Variants in CAPN14 observed in about 807,000 individuals in gnomAD.
The protein encoded by CAPN14 is calpain 14, also known as calpain-14.
A neutral mutation model predicts 101.3 loss-of-function variants in CAPN14; 94 were observed. The observed-to-expected ratio is 0.93, with a 90% CI of 0.79 to 1.10. The LOEUF (loss-of-function observed/expected upper bound fraction) is 1.10. Among genes scored for constraint, CAPN14 ranks in the 50% least tolerant of loss-of-function variants. The probability of loss-of-function intolerance (pLI) is 0.00; values close to 1 mark genes in which losing one functional copy is unlikely to be tolerated. For synonymous variants in CAPN14, 338 were observed against 317.9 expected (o/e 1.06, Z -0.67); for missense variants, 837 against 828.4 (o/e 1.01, Z -0.13).
At chr2:31,232,940 T>C (rs57437102) in intron 1 of CAPN14, among the ~76,000 whole-genome samples, 1 of 152,306 alleles carries the variant, frequency 6.6e-6, no homozygotes. Flanking sequence ...AGGAGTGTTT[T>C]ATCACTACAC....
intron 10 of CAPN14, 141 bp from the exon 11 acceptor site, chr2:31,192,239 C>G: frequency 8.0e-6 from 8 of 997,118 alleles, no homozygotes; most frequent in Non-Finnish European, 1.1e-5. Flanking sequence ...GTCGGGGTCC[C>G]TTCAACCTTG....
chr2:31,197,241 A>G lies in CAPN14; in HGVS notation c.875+8T>C, dbSNP rs1480860152. ...TTCTCACCCCTCCAAGATGTCCCCAAAGTTCACCTGTCACTCCAGTCTCCT... is the reference window on the plus strand; with the variant it reads ...TTCTCACCCCTCCAAGATGTCCCCAGAGTTCACCTGTCACTCCAGTCTCCT... On this transcript the variant is annotated splice_region_variant and intron_variant, in intron 8 of 21. Coordinates refer to ENST00000403897, the MANE Select transcript of CAPN14 (RefSeq NM_001145122.2). 2.1e-5 allele frequency: 32 copies of G among 1,547,262 alleles called. No homozygotes were observed. The highest frequency in any genetic ancestry group is 2.8e-5 in the Non-Finnish European group (32 of 1,142,890).
At chr2:31,233,388 A>G (rs1558644453) in intron 1 of CAPN14, among the ~76,000 whole-genome samples, 1 of 152,190 alleles carries the variant, frequency 6.6e-6, no homozygotes. Flanking sequence ...ATCATTTAGG[A>G]TCCAGCTTAC....
intron 11 of CAPN14, 110 bp downstream of exon 11, chr2:31,191,825 G>T: frequency 1.8e-6 from 2 of 1,105,860 alleles, no homozygotes; most frequent in Non-Finnish European, 2.5e-6. Flanking sequence ...GAAAACCCAG[G>T]TCTGTGAACA....
chr2:31,207,436 T>C (rs1377653616), intron 1 of CAPN14, among the ~76,000 whole-genome samples: 2 of 152,188 alleles, frequency 1.3e-5, no homozygotes, highest in Admixed American at 6.5e-5. Context: ...AATACAAACA[T>C]AACATTTTAA....
chr2:31,200,931 G>A (rs531261568), intron 5 of CAPN14, among the ~76,000 whole-genome samples: 2 of 152,248 alleles, frequency 1.3e-5, no homozygotes, highest in Admixed American at 6.5e-5. Context: ...CACTCACAGC[G>A]AGATCTCAAC....
intron 5 of CAPN14, 105 bp from the exon 6 acceptor site, chr2:31,200,730 A>T: frequency 8.7e-7 from 1 of 1,143,444 alleles, no homozygotes; most frequent in Non-Finnish European, 1.2e-6. Context: ...GTTTTCTCAT[A>T]CCAAAAGCAG....
intron 1 of CAPN14, among the ~76,000 whole-genome samples, chr2:31,231,424 T>C (rs1683188050): frequency 1.3e-5 from 2 of 152,266 alleles, no homozygotes; most frequent in Non-Finnish European, 2.9e-5. Context: ...TAAAGTTTTA[T>C]TATTTTTCAC....
In CAPN14 at chr2:31,188,361, AC is replaced by A. The variant is rs1681007269; in HGVS notation, c.1494-8del. Reference sequence around the variant, plus strand: ...AGAATTGCTGCCAATTTCACTGAGAACAAACAAACAAGAACAAACTCAGAGT... The same window carrying A: ...AGAATTGCTGCCAATTTCACTGAGAAAAACAAACAAGAACAAACTCAGAGT... On this transcript the variant is annotated splice_polypyrimidine_tract_variant and splice_region_variant and intron_variant, in intron 13 of 21. Transcript: ENST00000403897. 6.4e-7 allele frequency: 1 copy of A among 1,551,012 alleles called. No individual in the cohort carries two copies. Among genetic ancestry groups the A allele is most frequent in the Non-Finnish European group, 8.7e-7 (1 of 1,146,632 alleles).
chr2:31,189,114 G>T (rs1482347374), intron 13 of CAPN14, among the ~76,000 whole-genome samples, 159 bp downstream of exon 13: 3 of 152,198 alleles, frequency 2.0e-5, no homozygotes, highest in African/African-American at 7.2e-5. Flanking sequence ...GAACGGGAGG[G>T]ATGTTCTCCA....
chr2:31,178,719 G>A (rs529178811), intron 17 of CAPN14, 140 bp from the exon 18 acceptor site: 53 of 577,910 alleles, frequency 9.2e-5, no homozygotes, highest in African/African-American at 6.7e-4. Context: ...TCGCTAGTTC[G>A]CCTCACCTCA....
At chr2:31,191,430 G>GAAAA (rs76201003) in intron 11 of CAPN14, 23 bp from the exon 12 acceptor site, 39 of 1,278,432 alleles carry the variant, frequency 3.1e-5, no homozygotes, top group Middle Eastern at 2.7e-4. Flanking sequence ...AACAAAAACA[G>GAAAA]AAAAAAAAAA....
At chr2:31,178,781 G>T (rs1235519670) in intron 17 of CAPN14, among the ~76,000 whole-genome samples, 1 of 152,028 alleles carries the variant, frequency 6.6e-6, no homozygotes, top group Non-Finnish European at 1.5e-5. Flanking sequence ...AAAACAGAAT[G>T]AGCCCAGAGC....
chr2:31,220,081 T>G (rs974199671), upstream of CAPN14, among the ~76,000 whole-genome samples: 5 of 152,216 alleles, frequency 3.3e-5, no homozygotes, highest in African/African-American at 1.2e-4. Context: ...CTCACTACTG[T>G]GTGAATAGCT....
At chr2:31,207,919 T>C (rs775917744) in intron 1 of CAPN14, among the ~76,000 whole-genome samples, 5 of 152,204 alleles carry the variant, frequency 3.3e-5, no homozygotes, top group Non-Finnish European at 5.9e-5. Context: ...GTGGTTCTGC[T>C]CTGAGTGATG....
intron 17 of CAPN14, among the ~76,000 whole-genome samples, chr2:31,180,528 C>A (rs1054938250): frequency 2.0e-5 from 3 of 152,092 alleles, no homozygotes; most frequent in Non-Finnish European, 4.4e-5. Flanking sequence ...GGGCAGCCAC[C>A]GCCCAGTTAT....
At chr2:31,207,212 G>C (rs894060205) in intron 1 of CAPN14, among the ~76,000 whole-genome samples, 3 of 152,100 alleles carry the variant, frequency 2.0e-5, no homozygotes, top group African/African-American at 7.2e-5. Flanking sequence ...CATTTGTCAA[G>C]GTCCTGCCCA....
chr2:31,222,839 A>G (rs1167867528), intron 2 of CAPN14, among the ~76,000 whole-genome samples: 1 of 152,212 alleles, frequency 6.6e-6, no homozygotes, highest in Non-Finnish European at 1.5e-5. Context: ...CCTGACCCCC[A>G]GTGTGATCAC....
upstream of CAPN14, among the ~76,000 whole-genome samples, chr2:31,221,460 C>G (rs1682861091): frequency 6.6e-6 from 1 of 152,184 alleles, no homozygotes; most frequent in African/African-American, 2.4e-5. Flanking sequence ...TCTAACCATT[C>G]TCTTCTTGAC....
Sources: allele counts gnomAD v4.1 joint callset (sites outside exome capture counted in the v4.1 genomes callset), GRCh38; gene constraint gnomAD v4.1.1; transcripts MANE v1.5; gene names NCBI Gene and HGNC (gene_info 2026-07-23, HGNC 2026-07-21).